The following CUL3 variants were observed in gnomAD, a reference collection of about 807,000 sequenced individuals.
CUL3 encodes cullin 3, also known as cullin-3.
A neutral mutation model predicts 89.1 loss-of-function variants in CUL3; 19 were observed. The observed-to-expected ratio is 0.21, with a 90% confidence interval of 0.15 to 0.31. The LOEUF is 0.31. Among genes scored for constraint, CUL3 ranks in the 10% least tolerant of loss-of-function variants. The pLI is 1.00. For missense variants in CUL3, 469 were observed against 942.3 expected (o/e 0.50, Z 6.58); for synonymous variants, 351 against 308.4 (o/e 1.14, Z -1.45).
intron 1 of CUL3, among the ~76,000 whole-genome samples, chr2:224,566,054 G>T (rs955643119): frequency 1.3e-4 from 20 of 152,042 alleles, no homozygotes; most frequent in Admixed American, 8.5e-4. Context: ...AGCCTTAAAG[G>T]TCCTTATTGA....
intron 1 of CUL3, among the ~76,000 whole-genome samples, chr2:224,573,067 C>T (rs1334085356): frequency 6.6e-6 from 1 of 152,042 alleles, no homozygotes; most frequent in Admixed American, 6.6e-5. Context: ...TAGCATTCAT[C>T]AAAAAAGCAT....
Position 224,542,515 on chromosome 2 carries a change from A to G in CUL3, c.265-6874T>C, listed in dbSNP as rs868443360. On this transcript the variant is annotated intron_variant, in intron 2 of 15. Transcript: ENST00000264414. ...GCTTTTTGTGTGTGTGTGTGTGTGT[A>G]TGTGTGTGTGTGTGCCAGCACTTCT... Among the ~76,000 whole-genome samples the G allele has an allele frequency of 6.6e-3, 802 of 122,384 alleles. 13 individuals carry two copies. Among genetic ancestry groups the G allele is most frequent in the African/African-American group, 0.026 (750 of 28,460 alleles). 80.3% of individuals were successfully genotyped at this position (122,384 alleles called of 152,430 possible). A position where few individuals can be genotyped will look rare whatever the true frequency, so the allele number is the denominator to read the frequency against.
rs949738072 is a variant in CUL3 at position 224,470,661 on chromosome 2, C to T, written c.*3584G>A. On this transcript the variant is annotated 3_prime_UTR_variant, in exon 16 of 16. Transcript: ENST00000264414. ...TTCTCTAAGATTGTAGGAGACAAAGCGCCTATTTTCTTTTCAATGGACACA... is the reference window on the plus strand; with the variant it reads ...TTCTCTAAGATTGTAGGAGACAAAGTGCCTATTTTCTTTTCAATGGACACA... 3.0e-5 allele frequency: 7 copies of T among 231,488 alleles called. No individual in the cohort carries two copies. The highest frequency in any genetic ancestry group is 1.7e-4 in the Admixed American group (3 of 17,736). The allele number at this position is 231,488 out of a possible 1,614,324, so 14.3% of individuals were successfully genotyped here.
At chr2:224,521,974 T>C (rs1233736424) in intron 3 of CUL3, among the ~76,000 whole-genome samples, 1 of 151,244 alleles carries the variant, frequency 6.6e-6, no homozygotes, top group Non-Finnish European at 1.5e-5. Flanking sequence ...AAAAGACAAA[T>C]GTAAACAGGG....
intron 13 of CUL3, among the ~76,000 whole-genome samples, chr2:224,484,291 AT>A (rs1171119026): frequency 6.6e-6 from 1 of 152,056 alleles, no homozygotes; most frequent in African/African-American, 2.4e-5. Flanking sequence ...TCAACGCCAG[AT>A]TTTCTTTTGC....
At chr2:224,562,153 A>G (rs1392315125) in intron 1 of CUL3, among the ~76,000 whole-genome samples, 1 of 152,218 alleles carries the variant, frequency 6.6e-6, no homozygotes, top group African/African-American at 2.4e-5. Context: ...AAACATTGTA[A>G]AAGTACTCTC....
Position 224,485,090 on chromosome 2 carries a change from A to C in CUL3, c.1843-3012T>G, listed in dbSNP as rs750572538. 6.6e-6 allele frequency: 1 copy of C among 152,268 alleles called. No individual in the cohort carries two copies. The highest frequency in any genetic ancestry group is 1.5e-5 in the Non-Finnish European group (1 of 68,098). The allele number at this position is 152,268 out of a possible 1,614,324, so 9.4% of individuals were successfully genotyped here. ...TGAGGGACTGTGCTATCTGGCCCAA[A>C]TACTACGCTTTGCCCACAGTTTTTG... On this transcript the variant is annotated intron_variant, in intron 13 of 15. Coordinates refer to ENST00000264414, the MANE Select transcript of CUL3 (RefSeq NM_003590.5). This position sits in a 1 kb window ranked among gnomAD's most constrained non-coding sequence, Gnocchi z 4.1.
At position 224,473,667 on chromosome 2, in the gene CUL3, A is replaced by G. The variant is rs1328717526; in HGVS notation, c.*578T>C. 1 of 184,854 alleles carries G rather than the reference A, an allele frequency of 5.4e-6. No individual in the cohort carries two copies. Among genetic ancestry groups the G allele is most frequent in the African/African-American group, 2.3e-5 (1 of 42,652 alleles). 11.5% of individuals were successfully genotyped at this position (184,854 alleles called of 1,614,324 possible). A position where few individuals can be genotyped will look rare whatever the true frequency, so the allele number is the denominator to read the frequency against. On this transcript the variant is annotated 3_prime_UTR_variant, in exon 16 of 16. Transcript: ENST00000264414. ...CCCAAAACAAAGGTTCCTGGTCATA[A>G]GGCTAGAAGATGAGTAAGTGCAAGT...
intron 3 of CUL3, among the ~76,000 whole-genome samples, chr2:224,529,153 T>G (rs1693593250): frequency 6.6e-6 from 1 of 152,108 alleles, no homozygotes; most frequent in South Asian, 2.1e-4. Flanking sequence ...AATAAATACT[T>G]ATGGATTGTA....
intron 1 of CUL3, chr2:224,563,330 T>C (rs761775137): frequency 2.2e-5 from 10 of 464,804 alleles, no homozygotes; most frequent in South Asian, 6.3e-5. Context: ...TGGGTCTCTA[T>C]GTATTTTCAT....
chr2:224,517,784 G>A (rs1052541671), intron 3 of CUL3, among the ~76,000 whole-genome samples: 1 of 152,136 alleles, frequency 6.6e-6, no homozygotes, highest in African/African-American at 2.4e-5. Flanking sequence ...TAATCTGAAT[G>A]TAAAATCCTT....
intron 1 of CUL3, among the ~76,000 whole-genome samples, chr2:224,573,536 G>A (rs1349385042): frequency 3.3e-5 from 5 of 152,066 alleles, no homozygotes; most frequent in East Asian, 1.9e-4. Flanking sequence ...TTAAGCTTAC[G>A]AAGGAAGCTT....
chr2:224,531,137 G>C (rs939981550), intron 3 of CUL3, among the ~76,000 whole-genome samples: 3 of 144,736 alleles, frequency 2.1e-5, no homozygotes, highest in Non-Finnish European at 4.5e-5. Context: ...ATCCAGGCTA[G>C]AGTGCAGTGG....
At chr2:224,535,680 C>A in intron 2 of CUL3, 39 bp from the exon 3 acceptor site, 1 of 1,220,462 alleles carries the variant, frequency 8.2e-7, no homozygotes. Flanking sequence ...ACACACACAT[C>A]CACACACTCG....
intron 13 of CUL3, among the ~76,000 whole-genome samples, chr2:224,487,530 G>A (rs1286115029): frequency 1.3e-5 from 2 of 148,428 alleles, no homozygotes; most frequent in Non-Finnish European, 3.0e-5. Context: ...AATGGTAAAG[G>A]GATCAATGCA....
chr2:224,486,938 G>A (rs568392565), intron 13 of CUL3, among the ~76,000 whole-genome samples: 3 of 152,312 alleles, frequency 2.0e-5, no homozygotes, highest in African/African-American at 7.2e-5. Context: ...CTACAAGCCA[G>A]AAGAGAGTGG....
In CUL3 at chr2:224,513,644, GA is replaced by G; in HGVS notation, c.540-7del. On this transcript the variant is annotated splice_polypyrimidine_tract_variant and splice_region_variant and intron_variant, in intron 4 of 15. Coordinates refer to ENST00000264414, the MANE Select transcript of CUL3 (RefSeq NM_003590.5). ...AAGCATTTCTTATTGCGCCTCTGTC[GA>G]AAAAAGTTATTATCACTTGATAATT... 6.5e-7 allele frequency: 1 copy of G among 1,546,506 alleles called. No homozygotes were observed. The highest frequency in any genetic ancestry group is 8.7e-7 in the Non-Finnish European group (1 of 1,148,442).
chr2:224,516,569 C>G (rs1196778135), intron 3 of CUL3, among the ~76,000 whole-genome samples: 1 of 151,988 alleles, frequency 6.6e-6, no homozygotes, highest in African/African-American at 2.4e-5. Context: ...CCCGCCTTGG[C>G]CTCCCAAAAT....
At chr2:224,515,648 T>C (rs559459451) in intron 3 of CUL3, among the ~76,000 whole-genome samples, 1 of 152,246 alleles carries the variant, frequency 6.6e-6, no homozygotes. Flanking sequence ...AACAGAGCTC[T>C]ACCATATTAA....
Sources: allele counts gnomAD v4.1 joint callset (sites outside exome capture counted in the v4.1 genomes callset), GRCh38; gene constraint gnomAD v4.1.1; non-coding constraint Gnocchi (gnomAD v3.1); transcripts MANE v1.5; gene names NCBI Gene and HGNC (gene_info 2026-07-23, HGNC 2026-07-21).